SGCZ: variants seen among roughly 807,000 people sequenced by gnomAD.
The protein encoded by SGCZ is sarcoglycan zeta.
A neutral mutation model predicts 41.3 loss-of-function variants in SGCZ; 40 were observed. The observed-to-expected ratio is 0.97, with a 90% confidence interval of 0.75 to 1.26. The LOEUF (loss-of-function observed/expected upper bound fraction) is 1.26. SGCZ is among the 50% of genes most tolerant of loss of function. The probability of loss-of-function intolerance (pLI) is 0.00; values close to 1 mark genes in which losing one functional copy is unlikely to be tolerated. For missense variants in SGCZ, 552 were observed against 369.8 expected (o/e 1.49, Z -4.04); for synonymous variants, 206 against 137.5 (o/e 1.50, Z -3.49).
intron 4 of SGCZ, among the ~76,000 whole-genome samples, chr8:14,209,664 T>C (rs1261876742): frequency 6.6e-6 from 1 of 152,208 alleles, no homozygotes; most frequent in African/African-American, 2.4e-5. Context: ...CAATATAATA[T>C]CCTTTTTATT....
chr8:14,808,688 T>C (rs1409109189), intron 1 of SGCZ, among the ~76,000 whole-genome samples: 2 of 152,092 alleles, frequency 1.3e-5, no homozygotes, highest in East Asian at 3.9e-4. Context: ...CTCAGGGATC[T>C]AGAACTAGAA....
chr8:14,969,766 C>G (rs1489611644), intron 1 of SGCZ, among the ~76,000 whole-genome samples: 1 of 152,006 alleles, frequency 6.6e-6, no homozygotes, highest in Non-Finnish European at 1.5e-5. Flanking sequence ...TGATGCAACA[C>G]TTTTTGTTAT....
intron 1 of SGCZ, among the ~76,000 whole-genome samples, chr8:14,867,626 T>C (rs62493322): frequency 5.1e-4 from 78 of 152,180 alleles, no homozygotes; most frequent in Non-Finnish European, 8.4e-4. Flanking sequence ...ATTTTTTGAC[T>C]GTTTAATATG....
At chr8:15,161,861 C>G (rs927373961) in intron 1 of SGCZ, among the ~76,000 whole-genome samples, 1 of 152,004 alleles carries the variant, frequency 6.6e-6, no homozygotes, top group Non-Finnish European at 1.5e-5. Flanking sequence ...ATGACGAAAC[C>G]CCATATCTAT....
At chr8:14,635,732 G>C (rs1806805787) in intron 1 of SGCZ, among the ~76,000 whole-genome samples, 1 of 151,670 alleles carries the variant, frequency 6.6e-6, no homozygotes, top group Admixed American at 6.6e-5. Context: ...ACAGCAATGG[G>C]TTCAGTACTA....
chr8:14,272,905 C>G (rs1585306543), intron 3 of SGCZ, among the ~76,000 whole-genome samples: 1 of 152,134 alleles, frequency 6.6e-6, no homozygotes, highest in African/African-American at 2.4e-5. Flanking sequence ...CTTGGGTTAA[C>G]TCTTAGATGG....
rs115107910 is a variant in SGCZ at position 15,165,604 on chromosome 8, T to C, written c.39+71981A>G. On this transcript the variant is annotated intron_variant, in intron 1 of 7. Transcript: ENST00000382080. ...ACAATTAAAGCAACTTACCAAGTTTTACCTTGAAGTTCAAAATTGCTAGGA... is the reference window on the plus strand; with the variant it reads ...ACAATTAAAGCAACTTACCAAGTTTCACCTTGAAGTTCAAAATTGCTAGGA... Among the ~76,000 whole-genome samples the C allele has an allele frequency of 7.0e-3, 1,059 of 152,350 alleles. 7 individuals carry two copies. Among genetic ancestry groups the C allele is most frequent in the African/African-American group, 0.022 (922 of 41,590 alleles).
At chr8:14,494,391 G>T (rs540374031) in intron 2 of SGCZ, among the ~76,000 whole-genome samples, 1 of 152,076 alleles carries the variant, frequency 6.6e-6, no homozygotes, top group African/African-American at 2.4e-5. Flanking sequence ...CAGAATGTCA[G>T]AATCCCATGA....
At chr8:14,110,968 A>G (rs1314754825) in intron 5 of SGCZ, among the ~76,000 whole-genome samples, 1 of 151,906 alleles carries the variant, frequency 6.6e-6, no homozygotes, top group Non-Finnish European at 1.5e-5. Flanking sequence ...GCAGGAGAAT[A>G]GTTTGAACCT....
At chr8:14,517,018 T>C (rs1256282483) in intron 2 of SGCZ, among the ~76,000 whole-genome samples, 2 of 151,982 alleles carry the variant, frequency 1.3e-5, no homozygotes, top group South Asian at 2.1e-4. Flanking sequence ...AGTCAAGAGG[T>C]TGTAGTGCAC....
chr8:14,199,408 C>A (rs1805383053), intron 4 of SGCZ, among the ~76,000 whole-genome samples: 1 of 152,134 alleles, frequency 6.6e-6, no homozygotes. Context: ...ATGCCCGAAA[C>A]TTCATTAGTA....
chr8:15,038,072 C>G (rs1803934130), intron 1 of SGCZ, among the ~76,000 whole-genome samples: 2 of 144,030 alleles, frequency 1.4e-5, no homozygotes, highest in South Asian at 4.7e-4. Context: ...ATCAAAATTT[C>G]AGTGACGTTT....
At chr8:14,619,229 A>T (rs1387328017) in intron 1 of SGCZ, among the ~76,000 whole-genome samples, 5 of 152,210 alleles carry the variant, frequency 3.3e-5, no homozygotes, top group Non-Finnish European at 7.3e-5. Context: ...GGCCTTTGAC[A>T]AAATTCAACA....
chr8:15,149,888 C>G (rs1799130952), intron 1 of SGCZ, among the ~76,000 whole-genome samples: 1 of 152,042 alleles, frequency 6.6e-6, no homozygotes, highest in Non-Finnish European at 1.5e-5. Context: ...AACTAGAAAA[C>G]AAAAATGTGC....
chr8:14,676,368 G>GTGTGTGTGTGTGTGTGTGTGTGTC (rs1248969624), intron 1 of SGCZ, among the ~76,000 whole-genome samples: 4 of 151,844 alleles, frequency 2.6e-5, no homozygotes, highest in African/African-American at 9.7e-5. Flanking sequence ...GTGTGTGTGT[G>GTGTGTGTGTGTGTGTGTGTGTGTC]TATCTCCAGC....
intron 5 of SGCZ, among the ~76,000 whole-genome samples, chr8:14,118,516 G>T (rs1299095195): frequency 6.6e-6 from 1 of 152,272 alleles, no homozygotes; most frequent in Admixed American, 6.5e-5. Context: ...TAGGTTGCCT[G>T]TTCACTCTGA....
chr8:14,588,970 A>G (rs1428663954), intron 1 of SGCZ, among the ~76,000 whole-genome samples: 1 of 152,176 alleles, frequency 6.6e-6, no homozygotes, highest in Non-Finnish European at 1.5e-5. Context: ...GCTATGGTGT[A>G]TGATGAGTAC....
Position 14,672,816 on chromosome 8 carries a change from G to C in SGCZ, c.40-117890C>G, listed in dbSNP as rs189586210. ...TAAGACCTCTTTGCTTTTACTCATA[G>C]AGTATGAATAAATGGTCTACATAAA... On this transcript the variant is annotated intron_variant, in intron 1 of 7. Transcript: ENST00000382080. Among the ~76,000 whole-genome samples, 246 of 152,164 alleles carry C rather than the reference G, an allele frequency of 1.6e-3. 2 individuals are homozygous for C. The highest frequency in any genetic ancestry group is 5.7e-3 in the African/African-American group (237 of 41,520).
intron 1 of SGCZ, among the ~76,000 whole-genome samples, chr8:14,912,893 C>G (rs1799318041): frequency 1.3e-5 from 2 of 152,168 alleles, no homozygotes; most frequent in South Asian, 2.1e-4. Flanking sequence ...CAATTCTTAA[C>G]TGGAAAAAGA....
Sources: allele counts gnomAD v4.1 joint callset (sites outside exome capture counted in the v4.1 genomes callset), GRCh38; gene constraint gnomAD v4.1.1; transcripts MANE v1.5; gene names NCBI Gene and HGNC (gene_info 2026-07-23, HGNC 2026-07-21).